COLEC10: variants seen among roughly 807,000 people sequenced by gnomAD.
The protein encoded by COLEC10 is collectin subfamily member 10.
Under a neutral mutation model 28.4 loss-of-function variants are expected in COLEC10, and 22 were observed. The observed-to-expected ratio is 0.78, with a 90% CI of 0.55 to 1.11. COLEC10 has a LOEUF of 1.11. COLEC10 is among the 50% of genes least tolerant of loss of function. COLEC10 has a pLI of 0.00. For missense variants in COLEC10, 361 were observed against 344.1 expected (o/e 1.05, Z -0.39); for synonymous variants, 125 against 116.1 (o/e 1.08, Z -0.49).
At chr8:118,998,428 C>A (rs1207945301) in intron 1 of COLEC10, among the ~76,000 whole-genome samples, 1 of 152,074 alleles carries the variant, frequency 6.6e-6, no homozygotes, top group Non-Finnish European at 1.5e-5. Context: ...GAAACCATCA[C>A]CTTGACCAAA....
intron 1 of COLEC10, among the ~76,000 whole-genome samples, chr8:118,998,846 C>CAAA (rs567463648): frequency 0.22 from 16,789 of 76,296 alleles, 2,212 homozygotes; most frequent in African/African-American, 0.3. Flanking sequence ...GACTCCGTCT[C>CAAA]AAAAAAAAAA....
chr8:119,040,826 A>G (rs1404676982), intron 2 of COLEC10, among the ~76,000 whole-genome samples: 1 of 152,182 alleles, frequency 6.6e-6, no homozygotes, highest in East Asian at 1.9e-4. Context: ...TCAAAACTGT[A>G]GCCCCACAGG....
At chr8:119,011,892 A>G (rs1263512274) in intron 2 of COLEC10, among the ~76,000 whole-genome samples, 1 of 150,900 alleles carries the variant, frequency 6.6e-6, no homozygotes, top group African/African-American at 2.5e-5. Flanking sequence ...AATGATCAGG[A>G]CATCTGCAAA....
chr8:119,031,272 A>C (rs1017030052), intron 2 of COLEC10, among the ~76,000 whole-genome samples: 1 of 152,236 alleles, frequency 6.6e-6, no homozygotes. Flanking sequence ...CCTATCTGTC[A>C]GGTATTGGGT....
At chr8:119,019,208 T>C (rs1453594668) in intron 2 of COLEC10, among the ~76,000 whole-genome samples, 4 of 152,162 alleles carry the variant, frequency 2.6e-5, no homozygotes, top group Non-Finnish European at 5.9e-5. Flanking sequence ...TCTCCAGTTT[T>C]AGCTTGAGTT....
intron 4 of COLEC10, 148 bp downstream of exon 4, chr8:119,102,549 AC>A: frequency 1.6e-6 from 1 of 632,620 alleles, no homozygotes; most frequent in Non-Finnish European, 2.6e-6. Flanking sequence ...GAAGAAGGGG[AC>A]TTTCCTGTCT....
the COLEC10 span, among the ~76,000 whole-genome samples, chr8:118,969,760 G>A: frequency 6.6e-6 from 1 of 151,362 alleles, no homozygotes; most frequent in African/African-American, 2.4e-5. Context: ...TGGATAGAGT[G>A]GGTTTCTGTA....
intron 2 of COLEC10, among the ~76,000 whole-genome samples, chr8:119,060,513 T>C (rs1814835703): frequency 6.6e-6 from 1 of 152,102 alleles, no homozygotes. Flanking sequence ...GACTGAGATT[T>C]TAACCCGTGG....
the COLEC10 span, among the ~76,000 whole-genome samples, chr8:118,983,753 T>G: frequency 6.6e-6 from 1 of 152,058 alleles, no homozygotes; most frequent in African/African-American, 2.4e-5. Context: ...ACACTAATCA[T>G]AAGGTAAATG....
Position 119,047,288 on chromosome 8 carries a change from G to A in COLEC10, n.235+37735G>A, listed in dbSNP as rs536555426. Among the ~76,000 whole-genome samples, 3 of 152,290 alleles carry A rather than the reference G, an allele frequency of 2.0e-5. No homozygotes were observed. The East Asian group carries it at 5.8e-4, about 29-fold the overall frequency. ...CCACTTTAACTCTCTTGCCACATGGGTAATGGATCAAGCAGCCAGAAAATC... is the reference window on the plus strand; with the variant it reads ...CCACTTTAACTCTCTTGCCACATGGATAATGGATCAAGCAGCCAGAAAATC... On this transcript the variant is annotated intron_variant and non_coding_transcript_variant, in intron 2 of 6. Transcript: ENST00000521788.
At chr8:119,035,293 A>C (rs1814369530) in intron 2 of COLEC10, among the ~76,000 whole-genome samples, 1 of 116,122 alleles carries the variant, frequency 8.6e-6, no homozygotes, top group African/African-American at 3.9e-5. Context: ...AATATCTGCT[A>C]TCTATGATTA....
rs373994896 is a variant in COLEC10 at position 118,998,809 on chromosome 8, T to C, written n.122+3236T>C. On this transcript the variant is annotated intron_variant and non_coding_transcript_variant, in intron 1 of 6. Transcript: ENST00000521788. ...TTGCAGTGAGCCAAGATCGTGCCAC[T>C]GCACTCCAGCCTGGGTGACAGAACG... Among the ~76,000 whole-genome samples, 475 of 131,170 alleles carry C rather than the reference T, an allele frequency of 3.6e-3. 3 individuals are homozygous for C. Among genetic ancestry groups the C allele is most frequent in the African/African-American group, 0.014 (451 of 33,012 alleles). The allele number at this position is 131,170 out of a possible 152,430, so 86.1% of individuals were successfully genotyped here.
At position 119,101,381 on chromosome 8, in the gene COLEC10, C is replaced by A. The variant is rs1815822474; in HGVS notation, c.293-967C>A. Among the ~76,000 whole-genome samples, 3 of 152,134 alleles carry A rather than the reference C, an allele frequency of 2.0e-5. No homozygotes were observed. In the South Asian group the frequency reaches 6.2e-4, roughly 32 times the overall value. On this transcript the variant is annotated intron_variant, in intron 3 of 5. Transcript: ENST00000332843. ...CAAGAACCTCAGCCAAACATTTCTT[C>A]CTGAAAATCAAAAGCTTTTGCTTTC...
the COLEC10 span, among the ~76,000 whole-genome samples, chr8:118,990,322 C>T: frequency 1.3e-5 from 2 of 151,990 alleles, no homozygotes; most frequent in Non-Finnish European, 2.9e-5. Context: ...GAAAGGAAAT[C>T]GAAATGGAAA....
the COLEC10 span, among the ~76,000 whole-genome samples, chr8:118,964,263 T>G: frequency 6.6e-6 from 1 of 152,200 alleles, no homozygotes; most frequent in East Asian, 1.9e-4. Flanking sequence ...TGTATCTGCA[T>G]GCACTTTTAA....
intron 1 of COLEC10, among the ~76,000 whole-genome samples, chr8:119,003,818 A>C (rs966545861): frequency 4.6e-5 from 7 of 152,094 alleles, no homozygotes; most frequent in African/African-American, 1.7e-4. Context: ...CACATGGAAA[A>C]GTATAATATT....
At chr8:119,015,409 A>G (rs1027906426) in intron 2 of COLEC10, among the ~76,000 whole-genome samples, 12 of 151,016 alleles carry the variant, frequency 7.9e-5, no homozygotes, top group Middle Eastern at 3.2e-3. Context: ...ACCTCCACAG[A>G]TTAGGCTTTG....
the COLEC10 span, among the ~76,000 whole-genome samples, chr8:118,973,508 T>C: frequency 2.0e-5 from 3 of 151,960 alleles, no homozygotes; most frequent in African/African-American, 7.2e-5. Context: ...CCATGTACAT[T>C]TCTCCACTGT....
intron 2 of COLEC10, among the ~76,000 whole-genome samples, chr8:119,020,970 A>G (rs936585160): frequency 2.0e-5 from 3 of 152,168 alleles, no homozygotes; most frequent in South Asian, 2.1e-4. Flanking sequence ...TTAAACATAT[A>G]GGACTTGCTC....
Sources: allele counts gnomAD v4.1 joint callset (sites outside exome capture counted in the v4.1 genomes callset), GRCh38; gene constraint gnomAD v4.1.1; transcripts MANE v1.5; gene names NCBI Gene and HGNC (gene_info 2026-07-23, HGNC 2026-07-21).